BCL2L11: variants seen among roughly 807,000 people sequenced by gnomAD.
BCL2L11 encodes the protein bcl-2-like protein 11.
Under a neutral mutation model 20.6 loss-of-function variants are expected in BCL2L11, and 15 were observed. That is an observed-to-expected ratio of 0.73 (90% CI 0.49 to 1.12). The LOEUF (loss-of-function observed/expected upper bound fraction) is 1.12, where lower values mean the gene tolerates loss of function less well. Ranked by LOEUF, BCL2L11 falls within the 50% of genes most tolerant of loss-of-function variation. The probability of loss-of-function intolerance (pLI) is 0.00; values close to 1 mark genes in which losing one functional copy is unlikely to be tolerated. For missense variants in BCL2L11, 292 were observed against 260.9 expected, an observed-to-expected ratio of 1.12 and a Z score of -0.82; for synonymous variants, 108 against 92.8, an observed-to-expected ratio of 1.16 and a Z score of -0.94.
intron 2 of BCL2L11, among the ~76,000 whole-genome samples, chr2:111,146,655 T>A (rs1173143820): frequency 6.6e-6 from 1 of 152,192 alleles, no homozygotes; most frequent in East Asian, 1.9e-4. Context: ...CATTCATTTG[T>A]TCTGGTTGAT....
rs919556060 is a variant in BCL2L11 at position 111,123,028 on chromosome 2, A to T, written c.-13-705A>T. 14 of 982,286 alleles carry T rather than the reference A, an allele frequency of 1.4e-5. No individual in the cohort carries two copies. In the African/African-American group the frequency reaches 2.1e-4, roughly 15 times the overall value. 60.8% of individuals were successfully genotyped at this position (982,286 alleles called of 1,614,324 possible). A position where few individuals can be genotyped will look rare whatever the true frequency, so the allele number is the denominator to read the frequency against. On this transcript the variant is annotated intron_variant, in intron 1 of 3. Transcript: ENST00000393256. ...CTGCGGACCTAGTTGTAGACCTTGC[A>T]GGCGTTCGCTTCGTCGCCCTCCGCC... is the stretch of plus-strand genomic sequence containing the variant.
chr2:111,129,923 C>T (rs970912094), intron 2 of BCL2L11, among the ~76,000 whole-genome samples: 9 of 152,114 alleles, frequency 5.9e-5, no homozygotes, highest in East Asian at 5.8e-4. Context: ...TGAAATTAAT[C>T]GGAGATGTTG....
At chr2:111,127,318 G>A (rs1270104317) in intron 2 of BCL2L11, among the ~76,000 whole-genome samples, 1 of 151,958 alleles carries the variant, frequency 6.6e-6, no homozygotes, top group Non-Finnish European at 1.5e-5. Context: ...AGAAAAGTCA[G>A]GATATGGAGG....
At chr2:111,145,920 CTT>C (rs58738963) in intron 2 of BCL2L11, 73,243 of 715,736 alleles carry the variant, frequency 0.1, 1 homozygote, top group Non-Finnish European at 0.11. Context: ...TAGTGGCTTT[CTT>C]TTTTTTTTTT....
chr2:111,161,355 G>C (rs2078524551), intron 3 of BCL2L11: 1 of 1,527,160 alleles, frequency 6.5e-7, no homozygotes, highest in African/African-American at 1.4e-5. Flanking sequence ...AGGAAAGACA[G>C]TCTGTCTTTT....
intron 2 of BCL2L11, chr2:111,128,602 A>G (rs1470980547): frequency 2.1e-6 from 3 of 1,401,948 alleles, no homozygotes; most frequent in South Asian, 1.4e-5. Context: ...ACTTACCAAC[A>G]CTTTTTTTTT....
chr2:111,156,435 A>G (rs1011364232), intron 3 of BCL2L11, among the ~76,000 whole-genome samples: 1 of 152,196 alleles, frequency 6.6e-6, no homozygotes, highest in Non-Finnish European at 1.5e-5. Context: ...ATTCAGGTTC[A>G]GCAAGAGTTT....
At chr2:111,125,749 C>A (rs780830355) in intron 2 of BCL2L11, among the ~76,000 whole-genome samples, 1 of 152,246 alleles carries the variant, frequency 6.6e-6, no homozygotes, top group Middle Eastern at 3.4e-3. Flanking sequence ...GCTGGCTGCA[C>A]GTCTCTTGCC....
chr2:111,129,154 C>G lies in BCL2L11; in HGVS notation c.394+5015C>G, dbSNP rs867223530. Among the ~76,000 whole-genome samples, 8 of 152,170 alleles carry G rather than the reference C, an allele frequency of 5.3e-5. No homozygotes were observed. In the East Asian group the frequency reaches 1.5e-3, roughly 29 times the overall value. On this transcript the variant is annotated intron_variant, in intron 2 of 3. Transcript: ENST00000393256. Reference sequence around the variant, plus strand: ...TCAGGCAAATACAGTTTTGTTTTACCTCTTTAAATTCCATGGTATATTCGG... The same window carrying G: ...TCAGGCAAATACAGTTTTGTTTTACGTCTTTAAATTCCATGGTATATTCGG...
chr2:111,121,777 C>G (rs1261644188), intron 1 of BCL2L11, among the ~76,000 whole-genome samples: 3 of 152,230 alleles, frequency 2.0e-5, no homozygotes, highest in East Asian at 3.9e-4. Flanking sequence ...ACCTGGGGCC[C>G]CTGCTTGCTC....
intron 2 of BCL2L11, chr2:111,146,176 A>C (rs984678564): frequency 3.0e-6 from 3 of 985,342 alleles, no homozygotes; most frequent in Admixed American, 6.1e-5. Flanking sequence ...GCAGCTCATC[A>C]GAATTTCCCC....
intron 2 of BCL2L11, among the ~76,000 whole-genome samples, chr2:111,149,382 T>C (rs920963896): frequency 6.6e-6 from 1 of 152,192 alleles, no homozygotes; most frequent in African/African-American, 2.4e-5. Context: ...CAAAAACATG[T>C]TTTCTCTCCA....
At position 111,142,921 on chromosome 2, in the gene BCL2L11, A is replaced by G. The variant is rs139480906; in HGVS notation, c.395-7123A>G. ...TAATTCTAAGGAATGGTCTTAAGTGAACCAATGTATATAGAGTTTTATCTT... is the reference window on the plus strand; with the variant it reads ...TAATTCTAAGGAATGGTCTTAAGTGGACCAATGTATATAGAGTTTTATCTT... On this transcript the variant is annotated intron_variant, in intron 2 of 3. Coordinates refer to ENST00000393256, the MANE Select transcript of BCL2L11 (RefSeq NM_138621.5). 1.2e-3 allele frequency among the ~76,000 whole-genome samples: 183 copies of G among 152,366 alleles called. 1 individual carries two copies. The highest frequency in any genetic ancestry group is 4.2e-3 in the African/African-American group (175 of 41,594).
At chr2:111,144,606 A>C in intron 2 of BCL2L11, 1 of 1,412,898 alleles carries the variant, frequency 7.1e-7, no homozygotes, top group Non-Finnish European at 9.7e-7. Context: ...TTAGAAAGAT[A>C]TTTCTGAAGA....
intron 2 of BCL2L11, among the ~76,000 whole-genome samples, chr2:111,125,526 C>T (rs2072388100): frequency 6.6e-6 from 1 of 152,226 alleles, no homozygotes; most frequent in Non-Finnish European, 1.5e-5. Flanking sequence ...TGAAGGCTAA[C>T]TCAACAAACC....
rs988161185 is a variant in BCL2L11 at position 111,161,678 on chromosome 2, A to G, written c.499-2455A>G. The G allele has an allele frequency of 5.3e-6, 6 of 1,129,868 alleles. No homozygotes were observed. In the African/African-American group the frequency reaches 9.4e-5, roughly 18 times the overall value. 70.0% of individuals were successfully genotyped at this position (1,129,868 alleles called of 1,614,324 possible). A position where few individuals can be genotyped will look rare whatever the true frequency, so the allele number is the denominator to read the frequency against. On this transcript the variant is annotated intron_variant, in intron 3 of 3. Coordinates refer to ENST00000393256, the MANE Select transcript of BCL2L11 (RefSeq NM_138621.5). ...ACTCCCCTGCAATACAGGGATTGTC[A>G]TCTTTAGTCCTGACTTTCCAATTCC...
chr2:111,153,769 C>T (rs773129736), intron 3 of BCL2L11: 13 of 1,551,994 alleles, frequency 8.4e-6, no homozygotes, highest in South Asian at 1.2e-5. Context: ...GATATTTTCC[C>T]GTTTTTCCAG....
At chr2:111,129,364 A>G (rs896871744) in intron 2 of BCL2L11, among the ~76,000 whole-genome samples, 5 of 152,236 alleles carry the variant, frequency 3.3e-5, no homozygotes, top group African/African-American at 4.8e-5. Flanking sequence ...GTGCTAGAAG[A>G]GAAAGATATT....
chr2:111,158,868 C>CT (rs1260476097), intron 3 of BCL2L11, among the ~76,000 whole-genome samples: 1 of 151,634 alleles, frequency 6.6e-6, no homozygotes, highest in East Asian at 1.9e-4. Flanking sequence ...TGATCTCAAC[C>CT]TTTTTTTTTA....
Sources: gnomAD v4.1 joint callset for allele counts (sites outside exome capture counted in the v4.1 genomes callset) on GRCh38, gnomAD v4.1.1 for gene constraint, MANE v1.5 for transcripts, NCBI Gene and HGNC (gene_info 2026-07-23, HGNC 2026-07-21) for gene names.